GTF2H3: variants seen among roughly 807,000 people sequenced by gnomAD.
GTF2H3 encodes general transcription factor IIH subunit 3.
GTF2H3 carries 42 observed loss-of-function variants against 51.1 expected under a neutral mutation model. The observed-to-expected ratio is 0.82, with a 90% CI of 0.64 to 1.06. The LOEUF (loss-of-function observed/expected upper bound fraction) is 1.06. Ranked by LOEUF, GTF2H3 falls within the 50% of genes least tolerant of loss-of-function variation. GTF2H3 has a pLI of 0.00. For synonymous variants in GTF2H3, 123 were observed against 123.8 expected (o/e 0.99, Z 0.04); for missense variants, 326 against 366.1 (o/e 0.89, Z 0.89).
intron 3 of GTF2H3, among the ~76,000 whole-genome samples, chr12:123,647,040 C>T (rs765226759): frequency 7.3e-5 from 11 of 151,128 alleles, no homozygotes; most frequent in Non-Finnish European, 1.3e-4. Flanking sequence ...GTAGTCCCAG[C>T]TACTCGTTAG....
At chr12:123,644,206 A>C (rs1222649366) in intron 2 of GTF2H3, among the ~76,000 whole-genome samples, 1 of 152,194 alleles carries the variant, frequency 6.6e-6, no homozygotes. Context: ...CTACTTATGA[A>C]GACTGAAACT....
At chr12:123,643,925 G>T (rs993537408) in intron 2 of GTF2H3, among the ~76,000 whole-genome samples, 3 of 152,086 alleles carry the variant, frequency 2.0e-5, no homozygotes, top group Non-Finnish European at 4.4e-5. Flanking sequence ...CCACCTCCTG[G>T]GCTCAAGCAG....
chr12:123,643,165 A>C (rs1955402087), intron 2 of GTF2H3, among the ~76,000 whole-genome samples: 1 of 152,198 alleles, frequency 6.6e-6, no homozygotes, highest in Admixed American at 6.6e-5. Context: ...GGTGTGAGCT[A>C]CTACGCCCGG....
In GTF2H3 at chr12:123,662,278, G is replaced by T. The variant is rs1197371815; in HGVS notation, c.*2043G>T. ...ATGTTGGCTTAGATAATTTCAGATA[G>T]ATTTTATATTCTGGATTTGTGTTTT... On this transcript the variant is annotated 3_prime_UTR_variant, in exon 13 of 13. Coordinates refer to ENST00000543341, the MANE Select transcript of GTF2H3 (RefSeq NM_001516.5). 1 of 152,006 alleles carries T rather than the reference G, an allele frequency of 6.6e-6. No individual in the cohort carries two copies. The highest frequency in any genetic ancestry group is 2.4e-5 in the African/African-American group (1 of 41,398). 9.4% of individuals were successfully genotyped at this position (152,006 alleles called of 1,614,324 possible).
intron 2 of GTF2H3, among the ~76,000 whole-genome samples, chr12:123,643,034 GCTAATTT>G (rs1566226010): frequency 6.6e-6 from 1 of 152,204 alleles, no homozygotes; most frequent in East Asian, 1.9e-4. Context: ...ACCATGCCCA[GCTAATTT>G]TTTGTGTGTG....
At chr12:123,651,426 G>T (rs1259312715) in intron 5 of GTF2H3, among the ~76,000 whole-genome samples, 1 of 152,012 alleles carries the variant, frequency 6.6e-6, no homozygotes, top group Admixed American at 6.6e-5. Flanking sequence ...AGCCAGGCTG[G>T]TCTCTAACTC....
At chr12:123,659,967 G>C in intron 11 of GTF2H3, 37 bp downstream of exon 11, 1 of 1,604,860 alleles carries the variant, frequency 6.2e-7, no homozygotes, top group Non-Finnish European at 8.5e-7. Flanking sequence ...TTTTTTCTAT[G>C]TTGGGGGGCA....
intron 1 of GTF2H3, among the ~76,000 whole-genome samples, chr12:123,638,159 G>A (rs934919853): frequency 5.3e-5 from 8 of 151,434 alleles, no homozygotes; most frequent in Middle Eastern, 3.2e-3. Flanking sequence ...CACCATGCCC[G>A]GCTATTTTTT....
intron 2 of GTF2H3, chr12:123,639,984 G>A (rs925758030): frequency 1.5e-5 from 7 of 455,800 alleles, no homozygotes; most frequent in Admixed American, 2.4e-5. Flanking sequence ...TCAGCCTCCC[G>A]AGTACTTGGG....
At chr12:123,641,042 C>G (rs1469083369) in intron 2 of GTF2H3, among the ~76,000 whole-genome samples, 2 of 152,140 alleles carry the variant, frequency 1.3e-5, no homozygotes, top group African/African-American at 4.8e-5. Flanking sequence ...GTCCCAGCTA[C>G]TTGAGGCGCT....
chr12:123,653,116 CAT>C (rs1170769397), intron 7 of GTF2H3, among the ~76,000 whole-genome samples: 1 of 151,576 alleles, frequency 6.6e-6, no homozygotes, highest in African/African-American at 2.4e-5. Flanking sequence ...AAAAAGAAAA[CAT>C]AATGGGAAAT....
chr12:123,649,807 G>A (rs1040669797), intron 4 of GTF2H3: 9 of 152,174 alleles, frequency 5.9e-5, no homozygotes, highest in Non-Finnish European at 1.3e-4. Flanking sequence ...TCTAAAATTG[G>A]ATTGTGATGA....
At chr12:123,652,608 A>G in intron 6 of GTF2H3, 47 bp downstream of exon 6, 11 of 1,488,378 alleles carry the variant, frequency 7.4e-6, no homozygotes, top group Non-Finnish European at 1.0e-5. Context: ...TACTTATTTT[A>G]CTAGTATTTC....
intron 3 of GTF2H3, among the ~76,000 whole-genome samples, chr12:123,647,227 C>A (rs1241376014): frequency 2.0e-5 from 3 of 150,936 alleles, no homozygotes; most frequent in Non-Finnish European, 4.4e-5. Flanking sequence ...CCCAGCACTT[C>A]AGGAAGCTGA....
rs1955647780 is a variant in GTF2H3, at chr12:123,660,829, A to C, written c.*594A>C. 1 of 152,254 alleles carries C rather than the reference A, an allele frequency of 6.6e-6. No individual in the cohort carries two copies. Among genetic ancestry groups the C allele is most frequent in the Non-Finnish European group, 1.5e-5 (1 of 68,064 alleles). The allele number at this position is 152,254 out of a possible 1,614,324, so 9.4% of individuals were successfully genotyped here. A position where few individuals can be genotyped will look rare whatever the true frequency, so the allele number is the denominator to read the frequency against. On this transcript the variant is annotated 3_prime_UTR_variant, in exon 13 of 13. Transcript: ENST00000543341. ...TGTCACCAAATAACTACAAAATCTC[A>C]TTTTAAATGAGTAAGGAGAACGTGT...
At chr12:123,651,802 A>G (rs1425941251) in intron 5 of GTF2H3, among the ~76,000 whole-genome samples, 2 of 151,652 alleles carry the variant, frequency 1.3e-5, no homozygotes, top group Non-Finnish European at 2.9e-5. Context: ...CCTGGGCGAC[A>G]AAGCGAGACT....
intron 9 of GTF2H3, among the ~76,000 whole-genome samples, chr12:123,657,376 C>A (rs1178767155): frequency 5.3e-5 from 8 of 152,170 alleles, no homozygotes; most frequent in Non-Finnish European, 1.0e-4. Flanking sequence ...TCCACACTCT[C>A]CCTCTTCAGT....
At chr12:123,659,997 G>T (rs371052809) in intron 11 of GTF2H3, 49 bp from the exon 12 acceptor site, 104 of 1,592,446 alleles carry the variant, frequency 6.5e-5, no homozygotes, top group Non-Finnish European at 8.6e-5. Flanking sequence ...TTTCTCAGCT[G>T]TGTTGTTTTT....
At chr12:123,634,002 A>G in intron 1 of GTF2H3, 130 bp downstream of exon 1, 1 of 893,800 alleles carries the variant, frequency 1.1e-6, no homozygotes, top group Admixed American at 1.9e-5. Flanking sequence ...TAGCCAAGGC[A>G]TTCAGTCATT....
Sources: gnomAD v4.1 joint callset for allele counts (sites outside exome capture counted in the v4.1 genomes callset) on GRCh38, gnomAD v4.1.1 for gene constraint, MANE v1.5 for transcripts, NCBI Gene and HGNC (gene_info 2026-07-23, HGNC 2026-07-21) for gene names.